SVOP: variants seen among roughly 807,000 people sequenced by gnomAD.
SVOP encodes synaptic vesicle 2-related protein.
SVOP carries 17 observed loss-of-function variants against 69.1 expected under a neutral mutation model. The ratio of observed to expected loss-of-function variants is 0.25; its 90% CI spans 0.17 to 0.37. The LOEUF is 0.37. SVOP is among the 10% of genes least tolerant of loss of function. The pLI, the probability that SVOP is intolerant of heterozygous loss-of-function variation, is 1.00. For missense variants in SVOP, 435 were observed against 597.5 expected (o/e 0.73, Z 2.84); for synonymous variants, 238 against 238.6 (o/e 1.00, Z 0.02).
chr12:109,011,706 T>A (rs1340391777), intron 1 of SVOP, among the ~76,000 whole-genome samples: 1 of 152,182 alleles, frequency 6.6e-6, no homozygotes, highest in Non-Finnish European at 1.5e-5. Flanking sequence ...TCGACCTAAG[T>A]GTCCATCAAG....
intron 4 of SVOP, 87 bp downstream of exon 4, chr12:108,977,311 T>G: frequency 6.9e-7 from 1 of 1,447,802 alleles, no homozygotes; most frequent in Non-Finnish European, 9.3e-7. Flanking sequence ...TGCTGAGCCT[T>G]CGGCAGCAGG....
chr12:109,012,665 A>G (rs2040348596), intron 1 of SVOP, among the ~76,000 whole-genome samples: 1 of 151,996 alleles, frequency 6.6e-6, no homozygotes, highest in African/African-American at 2.4e-5. Context: ...TGGTGGTTCA[A>G]GCCTGTAATC....
At chr12:109,006,910 G>C (rs2040311685) in intron 1 of SVOP, among the ~76,000 whole-genome samples, 1 of 152,198 alleles carries the variant, frequency 6.6e-6, no homozygotes. Flanking sequence ...ACAATCAATG[G>C]CCTGGTTAAT....
chr12:108,940,292 A>G (rs1023183689), intron 8 of SVOP, among the ~76,000 whole-genome samples: 2 of 152,188 alleles, frequency 1.3e-5, no homozygotes, highest in African/African-American at 4.8e-5. Context: ...TGTTTCAAGC[A>G]TGTGCCCATG....
chr12:108,948,822 T>C (rs578026375), intron 6 of SVOP, among the ~76,000 whole-genome samples: 1 of 152,230 alleles, frequency 6.6e-6, no homozygotes, highest in African/African-American at 2.4e-5. Context: ...TAAACCCTGA[T>C]AATAGAAACC....
rs1309854443 is a variant in SVOP at position 108,908,733 on chromosome 12, CCTA to C, written c.*3799_*3801del. On this transcript the variant is annotated 3_prime_UTR_variant, in exon 16 of 16. Transcript: ENST00000610966. ...AACAGTGCTGATGAGAGCTCTGTGG[CCTA>C]CACATCCACGGCAGGCTCCTTGCAA... 1 of 152,236 alleles carries C rather than the reference CCTA, an allele frequency of 6.6e-6. No homozygotes were observed. Among genetic ancestry groups the C allele is most frequent in the African/African-American group, 2.4e-5 (1 of 41,452 alleles). 9.4% of individuals were successfully genotyped at this position (152,236 alleles called of 1,614,324 possible).
At chr12:108,932,909 C>T (rs1450438842) in intron 11 of SVOP, among the ~76,000 whole-genome samples, 1 of 152,076 alleles carries the variant, frequency 6.6e-6, no homozygotes, top group East Asian at 1.9e-4. Flanking sequence ...AATGGAATCT[C>T]ACTCTGTCGC....
intron 10 of SVOP, 61 bp from the exon 11 acceptor site, chr12:108,934,332 TAC>T: frequency 2.1e-6 from 3 of 1,438,352 alleles, no homozygotes; most frequent in Non-Finnish European, 2.9e-6. Context: ...CCCCTTTCCC[TAC>T]CCCCTTGGGA....
At chr12:108,942,916 C>T (rs2039900955) in intron 7 of SVOP, among the ~76,000 whole-genome samples, 1 of 152,078 alleles carries the variant, frequency 6.6e-6, no homozygotes, top group South Asian at 2.1e-4. Flanking sequence ...AGGTGTGTGC[C>T]ACCACACCTG....
At chr12:108,952,232 T>TC (rs1158259505) in intron 6 of SVOP, among the ~76,000 whole-genome samples, 1 of 133,184 alleles carries the variant, frequency 7.5e-6, no homozygotes, top group African/African-American at 2.8e-5. Flanking sequence ...TCTTTTCTCT[T>TC]TTTTTTTTTT....
chr12:108,971,455 G>T (rs2137430006), intron 5 of SVOP, among the ~76,000 whole-genome samples: 1 of 150,816 alleles, frequency 6.6e-6, no homozygotes, highest in African/African-American at 2.4e-5. Flanking sequence ...AAAAATGTCA[G>T]TTTGCTTGCC....
At chr12:108,980,323 C>A (rs2040128704) in intron 2 of SVOP, among the ~76,000 whole-genome samples, 2 of 152,144 alleles carry the variant, frequency 1.3e-5, no homozygotes, top group African/African-American at 4.8e-5. Flanking sequence ...TAGTAGCACA[C>A]CAAGGTTAAT....
intron 1 of SVOP, among the ~76,000 whole-genome samples, chr12:108,995,521 T>C (rs1344178593): frequency 6.6e-6 from 1 of 152,168 alleles, no homozygotes; most frequent in African/African-American, 2.4e-5. Flanking sequence ...AGGGAGTTAG[T>C]GTTTAATGAG....
intron 5 of SVOP, among the ~76,000 whole-genome samples, chr12:108,965,632 T>C (rs961824334): frequency 3.4e-5 from 3 of 88,690 alleles, no homozygotes; most frequent in Non-Finnish European, 8.1e-5. Context: ...TTGTGCAGGA[T>C]AAATAAAACA....
At position 108,915,813 on chromosome 12, in the gene SVOP, C is replaced by T. The variant is rs773025822; in HGVS notation, c.1410G>A (p.Val470=). Residue 470 remains valine (V), a synonymous_variant, in exon 15 of 16, where the codon GTG becomes GTA. Coordinates refer to ENST00000610966, the MANE Select transcript of SVOP (RefSeq NM_018711.5). ...CGATGAACGGAGTGATGAGAGCACC[C>T]ACTCTTGCCATGCCGCTGCAGGTGC... ...GLGTCSGMAR[V]GALITPFIAQ... is the part of the protein sequence containing the mutation. 3 of 1,608,108 alleles carry T rather than the reference C, an allele frequency of 1.9e-6. No homozygotes were observed. The highest frequency in any genetic ancestry group is 1.6e-4 in the Middle Eastern group (1 of 6,064).
rs2039658059 is a variant in SVOP, at chr12:108,907,794, T to A, written c.*4741A>T. 6.6e-6 allele frequency: 1 copy of A among 152,290 alleles called. No individual in the cohort carries two copies. The highest frequency in any genetic ancestry group is 1.5e-5 in the Non-Finnish European group (1 of 68,082). 9.4% of individuals were successfully genotyped at this position (152,290 alleles called of 1,614,324 possible). ...CTTATGATATTTTGCATCCTCAGTG[T>A]TGAATAACATGTCCAGGACATGCTG... is the stretch of plus-strand genomic sequence containing the variant. On this transcript the variant is annotated 3_prime_UTR_variant, in exon 16 of 16. Transcript: ENST00000610966.
chr12:109,020,870 T>G lies in SVOP; in HGVS notation c.-2A>C, dbSNP rs544976520. The G allele has an allele frequency of 2.8e-6, 2 of 711,874 alleles. No individual in the cohort carries two copies. The highest frequency in any genetic ancestry group is 1.8e-5 in the African/African-American group (1 of 56,758). 44.1% of individuals were successfully genotyped at this position (711,874 alleles called of 1,614,324 possible). On this transcript the variant is annotated 5_prime_UTR_variant, in exon 1 of 16. Coordinates refer to ENST00000610966, the MANE Select transcript of SVOP (RefSeq NM_018711.5). Reference sequence around the variant, plus strand: ...TAGCTGGAATAAGTCCTCCTCCATGTCCGCGCTGCGCCAGGATGAGCCCTT... The same window carrying G: ...TAGCTGGAATAAGTCCTCCTCCATGGCCGCGCTGCGCCAGGATGAGCCCTT...
chr12:108,948,303 G>T (rs2137412715), intron 6 of SVOP, among the ~76,000 whole-genome samples: 1 of 152,256 alleles, frequency 6.6e-6, no homozygotes, highest in Non-Finnish European at 1.5e-5. Context: ...AGGAATCTCT[G>T]CCCCCAGTTC....
At chr12:108,942,743 A>G (rs2039899603) in intron 7 of SVOP, among the ~76,000 whole-genome samples, 3 of 152,166 alleles carry the variant, frequency 2.0e-5, no homozygotes, top group African/African-American at 4.8e-5. Flanking sequence ...GACTTTATAA[A>G]TAGTCCATTA....
Sources: gnomAD v4.1 joint callset for allele counts (sites outside exome capture counted in the v4.1 genomes callset) on GRCh38, gnomAD v4.1.1 for gene constraint, MANE v1.5 for transcripts, NCBI Gene and HGNC (gene_info 2026-07-23, HGNC 2026-07-21) for gene names.